NRG3: variants seen among roughly 807,000 people sequenced by gnomAD.
The protein encoded by NRG3 is pro-neuregulin-3, membrane-bound isoform.
In NRG3, 31 loss-of-function variants were observed where a neutral mutation model predicts 66.9. The ratio of observed to expected loss-of-function variants is 0.46; its 90% CI spans 0.35 to 0.63. NRG3 has a LOEUF of 0.63. NRG3 is among the 20% of genes least tolerant of loss of function. The probability of loss-of-function intolerance (pLI) is 0.00; values close to 1 mark genes in which losing one functional copy is unlikely to be tolerated. For synonymous variants in NRG3, 393 were observed against 359.4 expected (o/e 1.09, Z -1.06); for missense variants, 910 against 878.9 (o/e 1.04, Z -0.45).
chr10:82,364,671 G>C (rs2084404989), intron 2 of NRG3, among the ~76,000 whole-genome samples: 1 of 152,180 alleles, frequency 6.6e-6, no homozygotes, highest in Admixed American at 6.5e-5. Flanking sequence ...CTCATTAAAT[G>C]TTTCACCGGC....
At chr10:82,657,850 C>T (rs2051998766) in intron 2 of NRG3, among the ~76,000 whole-genome samples, 1 of 150,600 alleles carries the variant, frequency 6.6e-6, no homozygotes, top group African/African-American at 2.4e-5. Flanking sequence ...AGATAAATAC[C>T]CTGATATTTA....
chr10:81,930,684 A>T (rs1847255340), intron 1 of NRG3, among the ~76,000 whole-genome samples: 1 of 152,160 alleles, frequency 6.6e-6, no homozygotes, highest in Non-Finnish European at 1.5e-5. Flanking sequence ...CCCCGAGGAA[A>T]AGTGACAGGT....
intron 1 of NRG3, among the ~76,000 whole-genome samples, chr10:82,090,667 C>T (rs1326899578): frequency 6.6e-6 from 1 of 152,082 alleles, no homozygotes; most frequent in African/African-American, 2.4e-5. Context: ...GAAACCATGT[C>T]AGGAGCACAT....
chr10:82,187,635 C>T (rs987629735), intron 1 of NRG3, among the ~76,000 whole-genome samples: 1 of 152,072 alleles, frequency 6.6e-6, no homozygotes, highest in African/African-American at 2.4e-5. Flanking sequence ...GAGAGGCTTC[C>T]TGGTTTGCTC....
intron 3 of NRG3, among the ~76,000 whole-genome samples, chr10:82,743,191 G>A (rs1335559242): frequency 6.6e-6 from 1 of 152,080 alleles, no homozygotes; most frequent in African/African-American, 2.4e-5. Context: ...CTCAAGCTCT[G>A]GCAAGCAGTG....
intron 4 of NRG3, among the ~76,000 whole-genome samples, chr10:82,893,505 T>C (rs1327535968): frequency 1.3e-5 from 2 of 152,130 alleles, no homozygotes; most frequent in East Asian, 3.9e-4. Context: ...CTGGCCAACA[T>C]GGTGAAACCC....
intron 4 of NRG3, among the ~76,000 whole-genome samples, chr10:82,870,759 G>T (rs1591788168): frequency 2.0e-5 from 3 of 152,018 alleles, no homozygotes; most frequent in Admixed American, 6.5e-5. Context: ...AAGGTCTTTG[G>T]CCCATTTTTT....
At chr10:82,562,190 T>C (rs2045093889) in intron 2 of NRG3, among the ~76,000 whole-genome samples, 1 of 152,220 alleles carries the variant, frequency 6.6e-6, no homozygotes, top group South Asian at 2.1e-4. Flanking sequence ...AATCAATAAA[T>C]GATATTCAAT....
chr10:82,195,959 T>C (rs896063204), intron 1 of NRG3, among the ~76,000 whole-genome samples: 1 of 152,150 alleles, frequency 6.6e-6, no homozygotes, highest in Non-Finnish European at 1.5e-5. Context: ...TCTGCTGATA[T>C]TTTGATTTTA....
At chr10:82,479,042 A>C (rs1244373625) in intron 2 of NRG3, among the ~76,000 whole-genome samples, 1 of 152,214 alleles carries the variant, frequency 6.6e-6, no homozygotes, top group East Asian at 1.9e-4. Context: ...GGTGAAGGAT[A>C]TCCACTATCC....
chr10:81,959,473 A>G (rs1850147696), intron 1 of NRG3, among the ~76,000 whole-genome samples: 1 of 152,130 alleles, frequency 6.6e-6, no homozygotes, highest in South Asian at 2.1e-4. Flanking sequence ...GAAAAAAAAA[A>G]TCTATACTAT....
chr10:82,527,044 C>A (rs528429374), intron 2 of NRG3, among the ~76,000 whole-genome samples: 10 of 152,020 alleles, frequency 6.6e-5, no homozygotes, highest in South Asian at 4.1e-4. Context: ...TTGAGAATAT[C>A]ATGAAATTGT....
intron 1 of NRG3, among the ~76,000 whole-genome samples, chr10:82,168,089 TAAAC>T (rs894679812): frequency 3.3e-5 from 5 of 152,162 alleles, no homozygotes; most frequent in South Asian, 2.1e-4. Context: ...CTCTTAATAA[TAAAC>T]AAAATGACTA....
rs79697233 is a variant in NRG3 at position 82,792,836 on chromosome 10, A to G, written c.1027+54186A>G. On this transcript the variant is annotated intron_variant, in intron 3 of 8. Transcript: ENST00000372141. ...GCTGGGATTTTAGACATGTGCCACA[A>G]CGCCCAGCTAATTTTTTGTATTTTT... is the stretch of plus-strand genomic sequence containing the variant. Among the ~76,000 whole-genome samples, 142 of 152,048 alleles carry G rather than the reference A, an allele frequency of 9.3e-4. No homozygotes were observed. In the East Asian group the frequency reaches 0.026, roughly 28 times the overall value.
chr10:82,210,873 C>G (rs2075360266), intron 1 of NRG3, among the ~76,000 whole-genome samples: 1 of 149,528 alleles, frequency 6.7e-6, no homozygotes, highest in Non-Finnish European at 1.5e-5. Context: ...GATATTAATG[C>G]AGAGAGTTCC....
chr10:82,017,189 G>GT (rs1218719851), intron 1 of NRG3, among the ~76,000 whole-genome samples: 2 of 152,124 alleles, frequency 1.3e-5, no homozygotes, highest in Admixed American at 1.3e-4. Context: ...GTGGTGTTCG[G>GT]TTTTTTGTCC....
At chr10:82,548,005 C>T (rs1317261110) in intron 2 of NRG3, among the ~76,000 whole-genome samples, 1 of 147,488 alleles carries the variant, frequency 6.8e-6, no homozygotes, top group Non-Finnish European at 1.5e-5. Context: ...TAACCTAGAA[C>T]CTGGAGGACA....
rs1306437912 is a variant in NRG3, at chr10:82,522,687, G to T, written c.953+163819G>T. 1.3e-4 allele frequency among the ~76,000 whole-genome samples: 19 copies of T among 150,694 alleles called. 1 individual carries two copies. The highest frequency in any genetic ancestry group is 1.3e-3 in the Admixed American group (19 of 15,178). ...TGCAAAGTGAAGTGCAATGAAAAGA[G>T]GTATGCCTGTTTACTAAAAAAAAAA... On this transcript the variant is annotated intron_variant, in intron 2 of 8. Coordinates refer to ENST00000372141, the MANE Select transcript of NRG3 (RefSeq NM_001010848.4).
At chr10:82,443,526 A>G (rs1432148521) in intron 2 of NRG3, among the ~76,000 whole-genome samples, 3 of 152,042 alleles carry the variant, frequency 2.0e-5, no homozygotes, top group Non-Finnish European at 4.4e-5. Flanking sequence ...TTTTACAACC[A>G]TTTTTTTCAT....
Sources: gnomAD v4.1 joint callset for allele counts (sites outside exome capture counted in the v4.1 genomes callset) on GRCh38, gnomAD v4.1.1 for gene constraint, MANE v1.5 for transcripts, NCBI Gene and HGNC (gene_info 2026-07-23, HGNC 2026-07-21) for gene names.